The following TNRC6C variants were observed in gnomAD, a reference collection of about 807,000 sequenced individuals.
The protein encoded by TNRC6C is trinucleotide repeat containing adaptor 6C, also known as trinucleotide repeat-containing gene 6C protein.
In TNRC6C, 20 loss-of-function variants were observed where a neutral mutation model predicts 153.7. The observed-to-expected ratio is 0.13, with a 90% CI of 0.09 to 0.19. TNRC6C has a LOEUF of 0.19. TNRC6C is among the 10% of genes least tolerant of loss of function. The pLI, the probability that TNRC6C is intolerant of heterozygous loss-of-function variation, is 1.00. For missense variants in TNRC6C, 1,987 were observed against 2,172.0 expected (o/e 0.91, Z 1.69); for synonymous variants, 811 against 841.4 (o/e 0.96, Z 0.63).
At chr17:77,972,053 A>G (rs1051690136) in intron 1 of TNRC6C, among the ~76,000 whole-genome samples, 16 of 152,184 alleles carry the variant, frequency 1.1e-4, no homozygotes, top group African/African-American at 3.6e-4. Flanking sequence ...ACAAACAAAA[A>G]AAAAGTAGAG....
chr17:77,995,511 A>G (rs183066317), intron 1 of TNRC6C, among the ~76,000 whole-genome samples: 3 of 152,262 alleles, frequency 2.0e-5, no homozygotes, highest in African/African-American at 4.8e-5. Flanking sequence ...ATAAATCCCC[A>G]CCTCCAAACT....
upstream of TNRC6C, among the ~76,000 whole-genome samples, chr17:77,958,414 C>T (rs921457957): frequency 4.6e-5 from 7 of 151,970 alleles, no homozygotes; most frequent in East Asian, 1.2e-3. Flanking sequence ...GCGCGCACCG[C>T]TCGCACCCCG....
At chr17:77,988,489 T>G (rs1214389794) in intron 1 of TNRC6C, among the ~76,000 whole-genome samples, 1 of 152,260 alleles carries the variant, frequency 6.6e-6, no homozygotes, top group East Asian at 1.9e-4. Flanking sequence ...CAGAAGATTA[T>G]TCCTGTACTT....
exon 3 of TNRC6C, chr17:78,050,047 G>A (rs1257369368): frequency 1.9e-6 from 3 of 1,611,572 alleles, no homozygotes; most frequent in Middle Eastern, 1.6e-4. Flanking sequence ...AGGAGCTTGG[G>A]GCCACCCCAG....
intron 16 of TNRC6C, 21 bp downstream of exon 19, chr17:78,097,882 C>G: frequency 6.7e-7 from 1 of 1,487,638 alleles, no homozygotes; most frequent in South Asian, 1.3e-5. Context: ...GGCCTCTAGA[C>G]TTGCAGGTAG....
exon 3 of TNRC6C, chr17:78,051,303 A>G (rs2072527191): frequency 6.4e-7 from 1 of 1,551,882 alleles, no homozygotes; most frequent in Non-Finnish European, 8.7e-7. Flanking sequence ...TGTGGGATAG[A>G]AACAACCCGG....
chr17:78,088,184 G>A (rs973924297), intron 13 of TNRC6C, among the ~76,000 whole-genome samples: 1 of 152,118 alleles, frequency 6.6e-6, no homozygotes, highest in Non-Finnish European at 1.5e-5. Context: ...TATTATAAAT[G>A]TGGTATATCT....
intron 4 of TNRC6C, among the ~76,000 whole-genome samples, chr17:78,067,306 A>G (rs954303692): frequency 2.0e-5 from 3 of 152,182 alleles, no homozygotes; most frequent in Non-Finnish European, 4.4e-5. Flanking sequence ...TGATTGCACT[A>G]CTATAATCCG....
At chr17:78,009,789 G>A (rs1434860816) in intron 1 of TNRC6C, among the ~76,000 whole-genome samples, 5 of 152,132 alleles carry the variant, frequency 3.3e-5, no homozygotes, top group Admixed American at 6.6e-5. Flanking sequence ...TCCTGACCTC[G>A]TGATCTGCCC....
chr17:77,974,205 T>G (rs1009349251), intron 1 of TNRC6C, among the ~76,000 whole-genome samples: 9 of 152,254 alleles, frequency 5.9e-5, no homozygotes, highest in African/African-American at 2.2e-4. Context: ...TCTCGTAACT[T>G]AATAATAAGA....
chr17:78,027,916 T>C (rs2071974350), intron 1 of TNRC6C, among the ~76,000 whole-genome samples: 1 of 151,426 alleles, frequency 6.6e-6, no homozygotes. Context: ...TTTTTTTTTT[T>C]TTTTTGAGAT....
chr17:78,055,616 C>A (rs1002816335), intron 3 of TNRC6C, among the ~76,000 whole-genome samples: 5 of 152,172 alleles, frequency 3.3e-5, no homozygotes, highest in Non-Finnish European at 7.3e-5. Context: ...CAGCCCATGA[C>A]TATTTTAAAT....
Position 78,075,480 on chromosome 17 carries a change from A to G in TNRC6C, c.3060+202A>G. 1.6e-6 allele frequency: 1 copy of G among 639,112 alleles called. No individual in the cohort carries two copies. The highest frequency in any genetic ancestry group is 2.5e-6 in the Non-Finnish European group (1 of 394,960). 39.6% of individuals were successfully genotyped at this position (639,112 alleles called of 1,614,324 possible). ...TCATAAGATGTTACTGAGAATGAAA[A>G]AGACTGGGATTGAAAACTGATTTTC... On this transcript the variant is annotated intron_variant, in intron 8 of 19. Transcript: ENST00000301624. The surrounding 1 kb of genome is among the most constrained non-coding windows in gnomAD (Gnocchi z 4.2).
intron 8 of TNRC6C, among the ~76,000 whole-genome samples, chr17:78,076,727 T>C (rs2073092510): frequency 6.6e-6 from 1 of 152,210 alleles, no homozygotes; most frequent in African/African-American, 2.4e-5. Flanking sequence ...GTTCTGTCTT[T>C]TATTAGTTCT....
intron 18 of TNRC6C, 96 bp downstream of exon 21, chr17:78,102,640 T>G: frequency 7.9e-7 from 1 of 1,266,106 alleles, no homozygotes; most frequent in South Asian, 1.4e-5. Flanking sequence ...GGCAGGATAG[T>G]TGGGGGTTCT....
At chr17:77,977,793 T>C (rs1295631176) in intron 1 of TNRC6C, among the ~76,000 whole-genome samples, 1 of 151,868 alleles carries the variant, frequency 6.6e-6, no homozygotes, top group African/African-American at 2.4e-5. Flanking sequence ...GGCAAATATC[T>C]AACTTTAGAT....
At chr17:78,080,661 A>G (rs2073163287) in intron 10 of TNRC6C, among the ~76,000 whole-genome samples, 1 of 152,182 alleles carries the variant, frequency 6.6e-6, no homozygotes, top group Non-Finnish European at 1.5e-5. Flanking sequence ...TATTGATAAC[A>G]TCTTTGCTGC....
intron 1 of TNRC6C, among the ~76,000 whole-genome samples, chr17:77,985,967 A>G (rs2071160736): frequency 6.6e-6 from 1 of 152,224 alleles, no homozygotes; most frequent in Non-Finnish European, 1.5e-5. Context: ...CTAAAAAATT[A>G]TTTGATGCAG....
chr17:78,081,496 T>C (rs1465312145), intron 10 of TNRC6C, among the ~76,000 whole-genome samples: 1 of 152,088 alleles, frequency 6.6e-6, no homozygotes, highest in African/African-American at 2.4e-5. Flanking sequence ...TTAAATGTAT[T>C]CATTAGGATA....
Sources: gnomAD v4.1 joint callset for allele counts (sites outside exome capture counted in the v4.1 genomes callset) on GRCh38, gnomAD v4.1.1 for gene constraint, Gnocchi (gnomAD v3.1) non-coding constraint, MANE v1.5 for transcripts, NCBI Gene and HGNC (gene_info 2026-07-23, HGNC 2026-07-21) for gene names.